The following PTBP3 variants were observed in gnomAD, a reference collection of about 807,000 sequenced individuals.
PTBP3 encodes the protein polypyrimidine tract binding protein 3.
A neutral mutation model predicts 58.7 loss-of-function variants in PTBP3; 20 were observed. That is an observed-to-expected ratio of 0.34 (90% CI 0.24 to 0.50). PTBP3 has a LOEUF of 0.50. Ranked by LOEUF, PTBP3 falls within the 20% of genes least tolerant of loss-of-function variation. The probability of loss-of-function intolerance (pLI) is 0.98; values close to 1 mark genes in which losing one functional copy is unlikely to be tolerated. For missense variants in PTBP3, 509 were observed against 637.2 expected (o/e 0.80, Z 2.17); for synonymous variants, 185 against 219.8 (o/e 0.84, Z 1.40).
At chr9:112,258,744 G>A (rs995164464) in intron 5 of PTBP3, among the ~76,000 whole-genome samples, 14 of 152,026 alleles carry the variant, frequency 9.2e-5, no homozygotes, top group Admixed American at 3.3e-4. Flanking sequence ...TAGGTGGCCC[G>A]TAACTATAGC....
chr9:112,308,772 G>C (rs1003834841), intron 1 of PTBP3, among the ~76,000 whole-genome samples: 3 of 151,956 alleles, frequency 2.0e-5, no homozygotes, highest in Non-Finnish European at 4.4e-5. Context: ...GTGTTTCTAA[G>C]GAGACTGTCC....
intron 7 of PTBP3, among the ~76,000 whole-genome samples, chr9:112,240,249 T>C (rs1835602349): frequency 6.6e-6 from 1 of 152,206 alleles, no homozygotes; most frequent in Non-Finnish European, 1.5e-5. Context: ...TTTTCTAACT[T>C]ATATAGAATA....
chr9:112,358,938 G>A, the PTBP3 span, among the ~76,000 whole-genome samples: 2 of 152,102 alleles, frequency 1.3e-5, no homozygotes, highest in Admixed American at 6.5e-5. Flanking sequence ...GGGCTCAAGC[G>A]ATCCTCCCAC....
At chr9:112,310,967 A>T (rs1829449926) in intron 1 of PTBP3, among the ~76,000 whole-genome samples, 1 of 152,268 alleles carries the variant, frequency 6.6e-6, no homozygotes, top group Non-Finnish European at 1.5e-5. Context: ...GGTGTGTCAT[A>T]GCATGCAGGG....
the PTBP3 span, among the ~76,000 whole-genome samples, chr9:112,367,640 T>C: frequency 7.9e-5 from 12 of 152,322 alleles, no homozygotes; most frequent in African/African-American, 2.9e-4. Flanking sequence ...CCTGCAAGGT[T>C]TCTACTGAGA....
the PTBP3 span, among the ~76,000 whole-genome samples, chr9:112,379,613 C>A: frequency 1.3e-5 from 2 of 152,168 alleles, no homozygotes; most frequent in African/African-American, 4.8e-5. Context: ...CCGACTTCAG[C>A]CACAAAGGCA....
the PTBP3 span, among the ~76,000 whole-genome samples, chr9:112,353,570 T>C: frequency 2.0e-5 from 3 of 152,108 alleles, no homozygotes; most frequent in Non-Finnish European, 2.9e-5. Flanking sequence ...TCCCCTCTTT[T>C]CCACTTAACC....
At chr9:112,217,879 TC>T (rs1834675372), downstream of PTBP3, 1 of 152,190 alleles carries the variant, frequency 6.6e-6, no homozygotes, top group South Asian at 2.1e-4. Flanking sequence ...ACTTCTGCAA[TC>T]CAACAATTCT....
At chr9:112,355,757 T>C in the PTBP3 span, among the ~76,000 whole-genome samples, 1 of 151,726 alleles carries the variant, frequency 6.6e-6, no homozygotes, top group East Asian at 1.9e-4. Flanking sequence ...GTAGTTGTGA[T>C]TACAGGCATG....
the PTBP3 span, among the ~76,000 whole-genome samples, chr9:112,352,063 A>T: frequency 5.4e-3 from 813 of 151,766 alleles, 5 homozygotes; most frequent in African/African-American, 0.019. Context: ...GACTACAGGC[A>T]GCTGCCACCA....
intron 7 of PTBP3, among the ~76,000 whole-genome samples, chr9:112,235,449 C>A (rs1370267577): frequency 1.3e-5 from 2 of 152,124 alleles, no homozygotes; most frequent in African/African-American, 4.8e-5. Flanking sequence ...ATTGAAGAAG[C>A]ACAGTACTTA....
chr9:112,294,922 C>T (rs1828601975), intron 2 of PTBP3, among the ~76,000 whole-genome samples: 1 of 152,062 alleles, frequency 6.6e-6, no homozygotes, highest in Non-Finnish European at 1.5e-5. Flanking sequence ...TTAAGTTTAG[C>T]TGTATATAAC....
upstream of PTBP3, among the ~76,000 whole-genome samples, chr9:112,336,049 T>C (rs1830574344): frequency 6.6e-6 from 1 of 152,056 alleles, no homozygotes; most frequent in African/African-American, 2.4e-5. Context: ...AATTTTTGTA[T>C]TTTTAGTAGA....
chr9:112,222,995 T>C lies in PTBP3; in HGVS notation c.*856A>G. 1 of 847,860 alleles carries C rather than the reference T, an allele frequency of 1.2e-6. No individual in the cohort carries two copies. Among genetic ancestry groups the C allele is most frequent in the South Asian group, 5.5e-5 (1 of 18,306 alleles). The allele number at this position is 847,860 out of a possible 1,614,324, so 52.5% of individuals were successfully genotyped here. A position where few individuals can be genotyped will look rare whatever the true frequency, so the allele number is the denominator to read the frequency against. On this transcript the variant is annotated 3_prime_UTR_variant, in exon 14 of 14. Coordinates refer to ENST00000374257, the MANE Select transcript of PTBP3 (RefSeq NM_001163788.4). ...TAAACTTTTTTTCTGAAAACAATTA[T>C]AAAAAAGTAGTTTATAAGTAGGATT...
At chr9:112,345,380 ATT>A in the PTBP3 span, among the ~76,000 whole-genome samples, 9 of 113,960 alleles carry the variant, frequency 7.9e-5, no homozygotes, top group African/African-American at 1.3e-4. Context: ...AGGAAAAAAA[ATT>A]TTTTTTTTTT....
At chr9:112,330,204 T>C (rs919175579) in intron 1 of PTBP3, among the ~76,000 whole-genome samples, 5 of 152,160 alleles carry the variant, frequency 3.3e-5, no homozygotes, top group Admixed American at 6.6e-5. Flanking sequence ...AAAAGCATCC[T>C]GATAATTTAA....
chr9:112,268,343 T>G (rs891320899), intron 3 of PTBP3, 148 bp from the exon 4 acceptor site: 2 of 739,770 alleles, frequency 2.7e-6, no homozygotes, highest in Admixed American at 3.7e-5. Flanking sequence ...AAAAAACACC[T>G]TTGCTTCAAA....
chr9:112,328,674 T>G (rs1165971471), intron 1 of PTBP3, among the ~76,000 whole-genome samples: 4 of 152,098 alleles, frequency 2.6e-5, no homozygotes, highest in African/African-American at 4.8e-5. Flanking sequence ...GTAGATTTAC[T>G]AGCTACTTTG....
chr9:112,232,364 G>T (rs1835280136), intron 8 of PTBP3, 126 bp from the exon 9 acceptor site: 5 of 982,480 alleles, frequency 5.1e-6, no homozygotes, highest in Non-Finnish European at 7.3e-6. Flanking sequence ...CTACCATAAA[G>T]ATACTGAAGG....
Sources: gnomAD v4.1 joint callset for allele counts (sites outside exome capture counted in the v4.1 genomes callset) on GRCh38, gnomAD v4.1.1 for gene constraint, MANE v1.5 for transcripts, NCBI Gene and HGNC (gene_info 2026-07-23, HGNC 2026-07-21) for gene names.